NTM: variants seen among roughly 807,000 people sequenced by gnomAD.
NTM encodes the protein IgLON family member 2.
A neutral mutation model predicts 42.1 loss-of-function variants in NTM; 13 were observed. The observed-to-expected ratio is 0.31, with a 90% CI of 0.20 to 0.49. The LOEUF (loss-of-function observed/expected upper bound fraction) is 0.49, where lower values mean the gene tolerates loss of function less well. Among genes scored for constraint, NTM ranks in the 20% least tolerant of loss-of-function variants. The pLI, the probability that NTM is intolerant of heterozygous loss-of-function variation, is 0.99. For synonymous variants in NTM, 187 were observed against 179.2 expected (o/e 1.04, Z -0.35); for missense variants, 373 against 452.8 (o/e 0.82, Z 1.60).
At position 132,197,532 on chromosome 11, in the gene NTM, G is replaced by A. The variant is rs1272957655; in HGVS notation, c.401-14490G>A. Among the ~76,000 whole-genome samples, 11 of 151,710 alleles carry A rather than the reference G, an allele frequency of 7.3e-5. 1 individual carries two copies. The South Asian group carries it at 2.3e-3, about 32-fold the overall frequency. On this transcript the variant is annotated intron_variant, in intron 3 of 8. Coordinates refer to ENST00000683400, the MANE Select transcript of NTM (RefSeq NM_001352005.2). ...ATTTTTTTATTATTTAAGTTCTAGG[G>A]TACATGTGCACAACGTGCAGGTTTG...
intron 1 of NTM, among the ~76,000 whole-genome samples, chr11:131,551,377 T>TGAAGG (rs1001958381): frequency 2.0e-5 from 3 of 147,076 alleles, no homozygotes; most frequent in African/African-American, 7.6e-5. Context: ...ACTTTGAGGG[T>TGAAGG]GAAGGGAGCA....
At chr11:131,840,607 A>T (rs1475091193) in intron 1 of NTM, among the ~76,000 whole-genome samples, 4 of 152,194 alleles carry the variant, frequency 2.6e-5, no homozygotes, top group Admixed American at 2.0e-4. Context: ...CTTTCTACAG[A>T]GGGGAGCAAA....
chr11:131,720,791 T>C (rs370149772), intron 1 of NTM, among the ~76,000 whole-genome samples: 3 of 152,212 alleles, frequency 2.0e-5, no homozygotes, highest in African/African-American at 7.2e-5. Flanking sequence ...CTCTACCACT[T>C]ACTATCTGTA....
At chr11:132,219,434 T>C (rs986172323) in intron 4 of NTM, among the ~76,000 whole-genome samples, 2 of 152,120 alleles carry the variant, frequency 1.3e-5, no homozygotes, top group Admixed American at 6.6e-5. Flanking sequence ...AAATGATTGT[T>C]GAATGAGGAA....
At chr11:131,997,298 G>T (rs1433721616) in intron 2 of NTM, among the ~76,000 whole-genome samples, 1 of 152,186 alleles carries the variant, frequency 6.6e-6, no homozygotes, top group Non-Finnish European at 1.5e-5. Flanking sequence ...GCTTCTGCTA[G>T]GAATGGCCAT....
chr11:131,569,160 T>G, intron 1 of NTM, among the ~76,000 whole-genome samples: 1 of 151,986 alleles, frequency 6.6e-6, no homozygotes, highest in South Asian at 2.1e-4. Context: ...TTTTTTTTTT[T>G]TGAGACAGAG....
chr11:131,732,727 G>C (rs1001356671), intron 1 of NTM, among the ~76,000 whole-genome samples: 2 of 152,152 alleles, frequency 1.3e-5, no homozygotes, highest in African/African-American at 4.8e-5. Context: ...TGTATTCCTA[G>C]AGGGTACTGG....
At chr11:132,272,634 A>G (rs1220626190) in intron 4 of NTM, among the ~76,000 whole-genome samples, 1 of 152,130 alleles carries the variant, frequency 6.6e-6, no homozygotes, top group East Asian at 1.9e-4. Context: ...TTTTGATACT[A>G]CGGTAAAAAG....
At chr11:132,021,576 A>G (rs577005302) in intron 2 of NTM, among the ~76,000 whole-genome samples, 1 of 152,264 alleles carries the variant, frequency 6.6e-6, no homozygotes, top group African/African-American at 2.4e-5. Flanking sequence ...AAACTGGCTA[A>G]TCTGTGGACT....
intron 1 of NTM, among the ~76,000 whole-genome samples, chr11:131,396,562 C>T (rs1412764288): frequency 6.6e-6 from 1 of 152,180 alleles, no homozygotes; most frequent in Non-Finnish European, 1.5e-5. Context: ...GGCGCGGTGG[C>T]TCACACCTGT....
intron 2 of NTM, among the ~76,000 whole-genome samples, chr11:132,092,202 A>C (rs951710072): frequency 6.6e-6 from 1 of 152,200 alleles, no homozygotes; most frequent in Non-Finnish European, 1.5e-5. Context: ...TCATATTTAA[A>C]ATCATTGATT....
chr11:131,735,973 G>A (rs959162659), intron 1 of NTM, among the ~76,000 whole-genome samples: 1 of 151,910 alleles, frequency 6.6e-6, no homozygotes, highest in Non-Finnish European at 1.5e-5. Flanking sequence ...GCTGGGATTA[G>A]AGGTGCACAC....
At chr11:132,113,202 G>A (rs1048099560) in intron 2 of NTM, among the ~76,000 whole-genome samples, 2 of 152,200 alleles carry the variant, frequency 1.3e-5, no homozygotes, top group African/African-American at 2.4e-5. Flanking sequence ...GCACTTCCAT[G>A]CAGCCCGTGC....
chr11:131,991,111 C>A (rs571691867), intron 2 of NTM, among the ~76,000 whole-genome samples: 81 of 152,262 alleles, frequency 5.3e-4, no homozygotes, highest in African/African-American at 1.9e-3. Flanking sequence ...AGATGCAATG[C>A]CATTCTAACT....
At chr11:131,831,747 C>A (rs768345348) in intron 1 of NTM, among the ~76,000 whole-genome samples, 21 of 151,986 alleles carry the variant, frequency 1.4e-4, no homozygotes, top group Non-Finnish European at 2.8e-4. Flanking sequence ...CTGTAAAAAT[C>A]AGGTAGCAGA....
chr11:131,599,911 C>T (rs570761468), intron 1 of NTM, among the ~76,000 whole-genome samples: 2 of 152,188 alleles, frequency 1.3e-5, no homozygotes, highest in Admixed American at 6.5e-5. Flanking sequence ...TTAGACCCTG[C>T]GGGTGACTCC....
chr11:131,871,473 A>G (rs2047775722), intron 1 of NTM, among the ~76,000 whole-genome samples: 1 of 152,236 alleles, frequency 6.6e-6, no homozygotes, highest in Non-Finnish European at 1.5e-5. Context: ...AGGCAGGCAG[A>G]CACAGCATGA....
intron 1 of NTM, among the ~76,000 whole-genome samples, chr11:131,738,370 C>T (rs1051620607): frequency 1.3e-5 from 2 of 152,218 alleles, no homozygotes; most frequent in Non-Finnish European, 2.9e-5. Flanking sequence ...GGGTCTCACA[C>T]ATTTCCCATG....
At chr11:131,861,745 AAAAG>A (rs758893874) in intron 1 of NTM, among the ~76,000 whole-genome samples, 18 of 152,186 alleles carry the variant, frequency 1.2e-4, no homozygotes, top group Non-Finnish European at 2.5e-4. Flanking sequence ...AAAAGAAAAA[AAAAG>A]AGAGAGAGAA....
Sources: gnomAD v4.1 joint callset for allele counts (sites outside exome capture counted in the v4.1 genomes callset) on GRCh38, gnomAD v4.1.1 for gene constraint, MANE v1.5 for transcripts, NCBI Gene and HGNC (gene_info 2026-07-23, HGNC 2026-07-21) for gene names.